The following MYH4 variants were observed in gnomAD, a reference collection of about 807,000 sequenced individuals.
MYH4 encodes the protein myosin heavy chain 4.
MYH4 carries 200 observed loss-of-function variants against 229.9 expected under a neutral mutation model. That is an observed-to-expected ratio of 0.87 (90% CI 0.78 to 0.98). The LOEUF (loss-of-function observed/expected upper bound fraction) is 0.98, where lower values mean the gene tolerates loss of function less well. MYH4 is among the 50% of genes least tolerant of loss of function. The pLI is 0.00. For missense variants in MYH4, 2,148 were observed against 2,332.6 expected (o/e 0.92, Z 1.63); for synonymous variants, 761 against 834.6 (o/e 0.91, Z 1.52).
chr17:10,455,145 A>G, intron 20 of MYH4, 27 bp downstream of exon 20: 1 of 1,614,112 alleles, frequency 6.2e-7, no homozygotes, highest in Non-Finnish European at 8.5e-7. Context: ...TAGAATTATG[A>G]CAGATAGAAA....
Position 10,448,144 on chromosome 17 carries a change from T to G in MYH4, c.4657-18A>C. ...AGAGATGCCTTAATAAAAGCAACAT[T>G]TATTTAGGTTACCTAAAGAGCTTTT... On this transcript the variant is annotated intron_variant, in intron 33 of 39. Transcript: ENST00000255381. The G allele has an allele frequency of 6.3e-7, 1 of 1,587,212 alleles. No individual in the cohort carries two copies.
Position 10,453,398 on chromosome 17 carries a change from A to G in MYH4, c.2935-70T>C, listed in dbSNP as rs1197870985. 2.5e-6 allele frequency: 4 copies of G among 1,609,960 alleles called. No homozygotes were observed. In the Admixed American group the frequency reaches 5.0e-5, roughly 20 times the overall value. ...ATCTTGATGAAAAACATGATGCTGTAGTATCTTAGGATAATGTCAGCGTAA... is the reference window on the plus strand; with the variant it reads ...ATCTTGATGAAAAACATGATGCTGTGGTATCTTAGGATAATGTCAGCGTAA... On this transcript the variant is annotated intron_variant, in intron 23 of 39. Coordinates refer to ENST00000255381, the MANE Select transcript of MYH4 (RefSeq NM_017533.2).
In MYH4 at chr17:10,461,077, T is replaced by G. The variant is rs776034195; in HGVS notation, c.1009-23A>C. On this transcript the variant is annotated intron_variant, in intron 11 of 39. Transcript: ENST00000255381. ...ACTCTGTCAAAAGAGTTGAATTTGCTCATCCCCAATTAGCACCATGGAAGA... is the reference window on the plus strand; with the variant it reads ...ACTCTGTCAAAAGAGTTGAATTTGCGCATCCCCAATTAGCACCATGGAAGA... 5 of 1,613,368 alleles carry G rather than the reference T, an allele frequency of 3.1e-6. No individual in the cohort carries two copies. The African/African-American group carries it at 4.0e-5, about 13-fold the overall frequency.
chr17:10,461,507 T>G (rs112432154), intron 11 of MYH4, among the ~76,000 whole-genome samples: 22 of 152,148 alleles, frequency 1.4e-4, no homozygotes, highest in African/African-American at 5.1e-4. Flanking sequence ...AATCCCAGTC[T>G]ACCTTCCCCT....
chr17:10,463,556 G>A lies in MYH4; in HGVS notation c.736C>T (p.Arg246Cys), dbSNP rs1048241901. The A allele has an allele frequency of 2.5e-6, 4 of 1,611,506 alleles. No individual in the cohort carries two copies. Among genetic ancestry groups the A allele is most frequent in the African/African-American group, 2.7e-5 (2 of 74,860 alleles). Residue 246 changes from arginine (R) to cysteine (C), a missense_variant, in exon 8 of 40, where the codon CGC (arginine) becomes TGC (cysteine). Coordinates refer to ENST00000255381, the MANE Select transcript of MYH4 (RefSeq NM_017533.2). ...ATGAAGATCAAGAGACTTACAAAGCGAGAGGAGTTGTCATTCCTCACGGTC... is the reference window on the plus strand; with the variant it reads ...ATGAAGATCAAGAGACTTACAAAGCAAGAGGAGTTGTCATTCCTCACGGTC... ...AKTVRNDNSS[R>C]FGKFIRIHFG...
chr17:10,456,381 T>C, intron 17 of MYH4, 104 bp downstream of exon 17: 1 of 919,018 alleles, frequency 1.1e-6, no homozygotes, highest in East Asian at 2.6e-5. Context: ...TATACTGTAC[T>C]ACTTTATTCA....
intron 33 of MYH4, 116 bp downstream of exon 33, chr17:10,448,280 A>G (rs2072534121): frequency 7.5e-7 from 1 of 1,334,908 alleles, no homozygotes; most frequent in Non-Finnish European, 1.0e-6. Flanking sequence ...ACAATTCAGT[A>G]TTTTTCACTG....
intron 26 of MYH4, 39 bp from the exon 27 acceptor site, chr17:10,452,369 A>T (rs768986555): frequency 6.2e-7 from 1 of 1,614,104 alleles, no homozygotes; most frequent in Admixed American, 1.7e-5. Context: ...AATTTATGTC[A>T]GTTTTGTTTC....
At chr17:10,447,745 G>C in intron 34 of MYH4, 73 bp downstream of exon 34, 1 of 1,411,320 alleles carries the variant, frequency 7.1e-7, no homozygotes, top group Non-Finnish European at 9.6e-7. Flanking sequence ...CATAGTCCTC[G>C]TAAAACATTA....
At chr17:10,462,740 A>C in intron 11 of MYH4, 125 bp downstream of exon 11, 1 of 711,514 alleles carries the variant, frequency 1.4e-6, no homozygotes, top group East Asian at 2.8e-5. Flanking sequence ...TCCAAAAGTA[A>C]GAAAGCCCAA....
chr17:10,460,566 A>G (rs933591469), intron 12 of MYH4, among the ~76,000 whole-genome samples: 2 of 152,226 alleles, frequency 1.3e-5, no homozygotes, highest in African/African-American at 4.8e-5. Flanking sequence ...ACCTGGCAAA[A>G]GTAGACCACA....
intron 35 of MYH4, 24 bp from the exon 36 acceptor site, chr17:10,445,386 A>G (rs2072500490): frequency 6.3e-7 from 1 of 1,594,686 alleles, no homozygotes; most frequent in Non-Finnish European, 8.5e-7. Context: ...ATGAAAGAGA[A>G]GAGAAGCACA....
chr17:10,453,434 G>A (rs761257338), intron 23 of MYH4, 106 bp from the exon 24 acceptor site: 1 of 1,584,534 alleles, frequency 6.3e-7, no homozygotes, highest in Non-Finnish European at 8.6e-7. Flanking sequence ...GATGGAAAAT[G>A]AGAACCAGGA....
chr17:10,462,756 T>C (rs982609447), intron 11 of MYH4, 109 bp downstream of exon 11: 3 of 837,846 alleles, frequency 3.6e-6, no homozygotes, highest in Non-Finnish European at 5.4e-6. Context: ...CCCAAAGGGT[T>C]GTATTACCTA....
At chr17:10,456,313 A>AT (rs1055901288) in intron 17 of MYH4, among the ~76,000 whole-genome samples, 172 bp downstream of exon 17, 4 of 152,066 alleles carry the variant, frequency 2.6e-5, no homozygotes, top group Non-Finnish European at 5.9e-5. Context: ...TTTTGTGCTA[A>AT]TTTTTTTTCC....
Position 10,466,266 on chromosome 17 carries a change from T to TGCTC in MYH4, c.348+3_348+6dup. On this transcript the variant is annotated splice_region_variant and intron_variant, in intron 4 of 39. Transcript: ENST00000255381. Reference sequence around the variant, plus strand: ...TGAGTGAGAAATAGCGTTGAAAGGGTGCTCACGTAGATCATCCAGGCTGCG... The same window carrying TGCTC: ...TGAGTGAGAAATAGCGTTGAAAGGGTGCTCGCTCACGTAGATCATCCAGGCTGCG... The TGCTC allele has an allele frequency of 6.2e-7, 1 of 1,613,316 alleles. No homozygotes were observed. Among genetic ancestry groups the TGCTC allele is most frequent in the Non-Finnish European group, 8.5e-7 (1 of 1,179,698 alleles).
In MYH4 at chr17:10,463,421, G is replaced by T; in HGVS notation, c.742-20C>A. 6.2e-7 allele frequency: 1 copy of T among 1,606,996 alleles called. No homozygotes were observed. The highest frequency in any genetic ancestry group is 8.5e-7 in the Non-Finnish European group (1 of 1,176,048). On this transcript the variant is annotated intron_variant, in intron 8 of 39. Coordinates refer to ENST00000255381, the MANE Select transcript of MYH4 (RefSeq NM_017533.2). The stretch of plus-strand genomic sequence containing the variant: ...TTTACCCTTAAAAAAGAAAAGGAGG[G>T]ATTATTATACACATTAAAATCAGAA...
Position 10,447,107 on chromosome 17 carries a change from A to G in MYH4, c.5075T>C (p.Leu1692Pro). The G allele has an allele frequency of 6.2e-7, 1 of 1,614,096 alleles. No individual in the cohort carries two copies. The highest frequency in any genetic ancestry group is 8.5e-7 in the Non-Finnish European group (1 of 1,180,022). ...ANLMQAEVEE[L>P]RASLERTERG... ...CTCAGTCCGTTCCAGGGATGCCCTGAGCTCTTCAACTTCAGCCTGCATCAG... is the reference window on the plus strand; with the variant it reads ...CTCAGTCCGTTCCAGGGATGCCCTGGGCTCTTCAACTTCAGCCTGCATCAG... Residue 1692 changes from leucine to proline, a missense_variant, in exon 35 of 40, where the codon CTC becomes CCC. Physicochemically the swap from Leu to Pro is moderately conservative, Grantham distance 98 (BLOSUM62 -3). Transcript: ENST00000255381.
Position 10,453,851 on chromosome 17 carries a change from C to T in MYH4, c.2726G>A (p.Cys909Tyr). 1 of 1,614,122 alleles carries T rather than the reference C, an allele frequency of 6.2e-7. No individual in the cohort carries two copies. Among genetic ancestry groups the T allele is most frequent in the Non-Finnish European group, 8.5e-7 (1 of 1,180,016 alleles). The change falls in exon 23 of 40, where the codon TGT becomes TAT. Residue 909 changes from cysteine (C) to tyrosine (Y), a missense_variant. Physicochemically the swap from Cys to Tyr is radical, Grantham distance 194 (BLOSUM62 -2). Transcript: ENST00000255381. ...GATTTTGGTTTTAATCAACTGATCA[C>T]ATCTTTCCTCTGCATCAGCCAAGGC... ...ADALADAEERCDQLIKTKIQL... is the reference protein window; with the variant it reads ...ADALADAEERYDQLIKTKIQL...
Sources: allele counts gnomAD v4.1 joint callset (sites outside exome capture counted in the v4.1 genomes callset), GRCh38; gene constraint gnomAD v4.1.1; transcripts MANE v1.5; gene names NCBI Gene and HGNC (gene_info 2026-07-23, HGNC 2026-07-21).